BMAL1: variants seen among roughly 807,000 people sequenced by gnomAD.
BMAL1 encodes the protein basic helix-loop-helix ARNT-like protein 1.
At chr11:13,381,094 A>T in the BMAL1 span, 1 of 1,507,232 alleles carries the variant, frequency 6.6e-7, no homozygotes, top group Non-Finnish European at 9.2e-7. Context: ...TCTCACCTTT[A>T]CCCCTTAACA....
At chr11:13,303,745 G>C in the BMAL1 span, among the ~76,000 whole-genome samples, 1 of 152,116 alleles carries the variant, frequency 6.6e-6, no homozygotes, top group Admixed American at 6.5e-5. Context: ...AGGCTTTATG[G>C]ACCAGTCTGG....
chr11:13,344,840 A>G, the BMAL1 span, among the ~76,000 whole-genome samples: 3 of 152,198 alleles, frequency 2.0e-5, no homozygotes, highest in East Asian at 3.9e-4. Context: ...GGCAGGCACC[A>G]TGTAGTGGAG....
the BMAL1 span, among the ~76,000 whole-genome samples, chr11:13,282,822 C>T: frequency 6.6e-6 from 1 of 152,308 alleles, no homozygotes; most frequent in South Asian, 2.1e-4. Flanking sequence ...ATGACAGGCA[C>T]AGGGAGCCTT....
chr11:13,358,460 G>A, the BMAL1 span: 1 of 1,603,544 alleles, frequency 6.2e-7, no homozygotes, highest in Non-Finnish European at 8.5e-7. Flanking sequence ...ATTGAAAAGC[G>A]GCGTCGGGAT....
At chr11:13,385,267 C>T in the BMAL1 span, among the ~76,000 whole-genome samples, 1 of 152,216 alleles carries the variant, frequency 6.6e-6, no homozygotes, top group Non-Finnish European at 1.5e-5. Flanking sequence ...TCATTTGACT[C>T]CTTGAGCTGT....
chr11:13,297,423 T>C, the BMAL1 span, among the ~76,000 whole-genome samples: 1 of 152,338 alleles, frequency 6.6e-6, no homozygotes, highest in African/African-American at 2.4e-5. Context: ...ATTTATGTTT[T>C]TAAGGGTTCT....
At chr11:13,373,752 G>A in the BMAL1 span, among the ~76,000 whole-genome samples, 1 of 152,148 alleles carries the variant, frequency 6.6e-6, no homozygotes, top group African/African-American at 2.4e-5. Flanking sequence ...CAGACAATCT[G>A]CCCAACTCGG....
chr11:13,294,062 AT>A, the BMAL1 span, among the ~76,000 whole-genome samples: 3 of 151,536 alleles, frequency 2.0e-5, no homozygotes, highest in Non-Finnish European at 2.9e-5. Flanking sequence ...AGCAATAGTG[AT>A]TTTTTTTTCC....
At chr11:13,283,127 G>A in the BMAL1 span, among the ~76,000 whole-genome samples, 6 of 152,138 alleles carry the variant, frequency 3.9e-5, no homozygotes, top group Admixed American at 3.9e-4. Flanking sequence ...AGTATGTGCT[G>A]TCCTTTTAAA....
At chr11:13,369,539 G>T in the BMAL1 span, 27 of 1,541,634 alleles carry the variant, frequency 1.8e-5, no homozygotes, top group Non-Finnish European at 2.3e-5. Flanking sequence ...GCAAGAAAAG[G>T]CTTTGCTCAA....
chr11:13,310,367 G>A, the BMAL1 span, among the ~76,000 whole-genome samples: 1 of 152,150 alleles, frequency 6.6e-6, no homozygotes, highest in Non-Finnish European at 1.5e-5. Flanking sequence ...AAAAAAGTCC[G>A]GGGAGGAGTG....
the BMAL1 span, among the ~76,000 whole-genome samples, chr11:13,292,502 GCGCCA>G: frequency 6.6e-6 from 1 of 151,234 alleles, no homozygotes; most frequent in Non-Finnish European, 1.5e-5. Flanking sequence ...AGCCGAGATC[GCGCCA>G]CTGCACTCCA....
the BMAL1 span, among the ~76,000 whole-genome samples, chr11:13,288,839 C>T: frequency 3.3e-5 from 5 of 152,158 alleles, no homozygotes; most frequent in South Asian, 2.1e-4. Flanking sequence ...TTCTAGAGTG[C>T]GGTGAACATC....
the BMAL1 span, among the ~76,000 whole-genome samples, chr11:13,280,556 T>C: frequency 3.9e-5 from 6 of 152,352 alleles, no homozygotes; most frequent in South Asian, 2.1e-4. Context: ...AGCCCCGTGA[T>C]TACATGCAGT....
chr11:13,364,358 T>TC, the BMAL1 span, among the ~76,000 whole-genome samples: 2 of 152,214 alleles, frequency 1.3e-5, no homozygotes, highest in Non-Finnish European at 2.9e-5. Context: ...ATTTCTTCTG[T>TC]CCCAGCACAA....
At chr11:13,296,646 T>C in the BMAL1 span, among the ~76,000 whole-genome samples, 1 of 152,238 alleles carries the variant, frequency 6.6e-6, no homozygotes, top group Non-Finnish European at 1.5e-5. Flanking sequence ...AGGGCCTGGA[T>C]TTAAACCCTG....
At chr11:13,295,866 C>CAATTTT in the BMAL1 span, among the ~76,000 whole-genome samples, 6 of 152,180 alleles carry the variant, frequency 3.9e-5, no homozygotes, top group East Asian at 1.2e-3. Context: ...TTTCAGGGAA[C>CAATTTT]AATTTTAATT....
At chr11:13,358,437 A>G in the BMAL1 span, 6 of 1,579,490 alleles carry the variant, frequency 3.8e-6, no homozygotes, top group East Asian at 6.9e-5. Context: ...TGTTCAGGGA[A>G]GCTCACAGTC....
the BMAL1 span, among the ~76,000 whole-genome samples, chr11:13,332,962 C>CTT: frequency 7.1e-6 from 1 of 141,114 alleles, no homozygotes. Flanking sequence ...TCGATACTGT[C>CTT]TTTTTTTTTT....
Sources: gnomAD v4.1 joint callset for allele counts (sites outside exome capture counted in the v4.1 genomes callset) on GRCh38, gnomAD v4.1.1 for gene constraint, MANE v1.5 for transcripts, NCBI Gene and HGNC (gene_info 2026-07-23, HGNC 2026-07-21) for gene names.